The following LRRC19 variants were observed in gnomAD, a reference collection of about 807,000 sequenced individuals.
LRRC19 encodes the protein leucine-rich repeat-containing protein 19.
LRRC19 carries 33 observed loss-of-function variants against 33.3 expected under a neutral mutation model. That is an observed-to-expected ratio of 0.99 (90% CI 0.75 to 1.33). LRRC19 has a LOEUF of 1.33. LRRC19 is among the 40% of genes most tolerant of loss of function. The probability of loss-of-function intolerance (pLI) is 0.00; values close to 1 mark genes in which losing one functional copy is unlikely to be tolerated. For synonymous variants in LRRC19, 184 were observed against 152.3 expected (o/e 1.21, Z -1.53); for missense variants, 463 against 417.3 (o/e 1.11, Z -0.95).
intron 1 of LRRC19, among the ~76,000 whole-genome samples, chr9:27,003,832 G>T (rs1277704515): frequency 6.6e-6 from 1 of 152,212 alleles, no homozygotes. Flanking sequence ...TATTCAAGAT[G>T]ATTGCCCATA....
At position 26,998,165 on chromosome 9, in the gene LRRC19, T is replaced by G. The variant is rs1175375402; in HGVS notation, c.158A>C (p.Asp53Ala). ...AAGAGTAATTTGGTTATAACTGAGA[T>G]CAAGTATAGTAACATCTTTCTTGAT... is the stretch of plus-strand genomic sequence containing the variant. Reference protein sequence around the residue: ...ADIKKDVTILDLSYNQITLNG... With the variant: ...ADIKKDVTILALSYNQITLNG... The change falls in exon 3 of 5, where the codon GAT becomes GCT. Residue 53 changes from aspartate (D) to alanine (A), a missense_variant. By Grantham distance (126) the Asp-to-Ala change is moderately radical. Coordinates refer to ENST00000380055, the MANE Select transcript of LRRC19 (RefSeq NM_022901.3). The G allele has an allele frequency of 6.3e-7, 1 of 1,596,084 alleles. No individual in the cohort carries two copies. The highest frequency in any genetic ancestry group is 8.6e-7 in the Non-Finnish European group (1 of 1,167,588).
rs1828083408 is a variant in LRRC19, at chr9:26,995,303, G to A, written c.*218C>T. ...TGCTAAGAATAGTAGTGCTAGTATTGTAGACTATGTAACTGTCAACTACCG... is the reference window on the plus strand; with the variant it reads ...TGCTAAGAATAGTAGTGCTAGTATTATAGACTATGTAACTGTCAACTACCG... On this transcript the variant is annotated 3_prime_UTR_variant, in exon 5 of 5. Transcript: ENST00000380055. 2.2e-6 allele frequency: 1 copy of A among 448,250 alleles called. No individual in the cohort carries two copies. The allele number at this position is 448,250 out of a possible 1,614,324, so 27.8% of individuals were successfully genotyped here.
At chr9:27,002,780 T>C (rs1176760639) in intron 1 of LRRC19, among the ~76,000 whole-genome samples, 2 of 152,238 alleles carry the variant, frequency 1.3e-5, no homozygotes, top group African/African-American at 4.8e-5. Flanking sequence ...TGGGATCTTT[T>C]ATGGTTCCAT....
chr9:26,996,738 TTTA>T (rs1828179044), intron 3 of LRRC19, among the ~76,000 whole-genome samples: 1 of 151,360 alleles, frequency 6.6e-6, no homozygotes, highest in South Asian at 2.1e-4. Flanking sequence ...TAGTGTAGAT[TTTA>T]TTATTAATAT....
chr9:26,998,265 G>T, intron 2 of LRRC19, 24 bp from the exon 3 acceptor site: 1 of 1,281,294 alleles, frequency 7.8e-7, no homozygotes, highest in Non-Finnish European at 1.0e-6. Flanking sequence ...AAAAAGAAAG[G>T]CATTAATCAG....
intron 1 of LRRC19, among the ~76,000 whole-genome samples, chr9:27,001,585 CTTG>C (rs1370787971): frequency 6.6e-6 from 1 of 151,340 alleles, no homozygotes; most frequent in Non-Finnish European, 1.5e-5. Context: ...TTTCCACATA[CTTG>C]TTTGTCTTTT....
Position 26,995,589 on chromosome 9 carries a change from C to G in LRRC19, c.1045G>C (p.Val349Leu). The change falls in exon 5 of 5, where the codon GTG becomes CTG. Residue 349 changes from valine to leucine, a missense_variant. Val to Leu is a conservative substitution (Grantham distance 32, BLOSUM62 1). Transcript: ENST00000380055. ...TVIFEQLHSF[V>L]VDDDGFIEDK... is the part of the protein sequence containing the mutation. ...TCAATAAATCCATCATCATCTACCA[C>G]AAATGAATGTAATTGTTCAAATATT... 6.2e-7 allele frequency: 1 copy of G among 1,604,062 alleles called. No homozygotes were observed. The highest frequency in any genetic ancestry group is 1.1e-5 in the South Asian group (1 of 90,808).
At chr9:27,004,703 A>AT (rs1167531796) in intron 1 of LRRC19, among the ~76,000 whole-genome samples, 5 of 152,168 alleles carry the variant, frequency 3.3e-5, no homozygotes, top group South Asian at 2.1e-4. Flanking sequence ...TCTAATTTGG[A>AT]TTTTTTTTGA....
chr9:26,997,263 G>A (rs924123280), intron 3 of LRRC19, among the ~76,000 whole-genome samples: 2 of 150,788 alleles, frequency 1.3e-5, no homozygotes, highest in African/African-American at 4.9e-5. Context: ...GGGAAGGAGA[G>A]CATCTATGCA....
rs761988889 is a variant in LRRC19, at chr9:26,996,294, T to A, written c.784+17A>T. ...TGATACATTCAGCAGTGTTAATATA[T>A]AGAACCAGTATATTACCTGAATTTC... is the stretch of plus-strand genomic sequence containing the variant. On this transcript the variant is annotated intron_variant, in intron 4 of 4. Transcript: ENST00000380055. The A allele has an allele frequency of 1.9e-5, 28 of 1,450,902 alleles. No homozygotes were observed. The highest frequency in any genetic ancestry group is 2.5e-5 in the Non-Finnish European group (26 of 1,053,772). 89.9% of individuals were successfully genotyped at this position (1,450,902 alleles called of 1,614,324 possible). A position where few individuals can be genotyped will look rare whatever the true frequency, so the allele number is the denominator to read the frequency against.
chr9:27,004,218 C>G lies in LRRC19; in HGVS notation c.-10+1374G>C, dbSNP rs552089611. Among the ~76,000 whole-genome samples, 134 of 152,226 alleles carry G rather than the reference C, an allele frequency of 8.8e-4. 1 individual carries two copies. Among genetic ancestry groups the G allele is most frequent in the African/African-American group, 2.9e-3 (121 of 41,540 alleles). ...GTTTTATATTTATTATCTGTATCTGCTATTTAATGCTAATAATTGTTTTCT... is the reference window on the plus strand; with the variant it reads ...GTTTTATATTTATTATCTGTATCTGGTATTTAATGCTAATAATTGTTTTCT... On this transcript the variant is annotated intron_variant, in intron 1 of 4. Coordinates refer to ENST00000380055, the MANE Select transcript of LRRC19 (RefSeq NM_022901.3).
intron 3 of LRRC19, among the ~76,000 whole-genome samples, chr9:26,996,939 A>G (rs7019249): frequency 0.027 from 4,123 of 152,296 alleles, 195 homozygotes; most frequent in African/African-American, 0.094. Flanking sequence ...GGCCGGGCGC[A>G]GAGGCTCATG....
Position 26,995,811 on chromosome 9 carries a change from C to T in LRRC19, c.823G>A (p.Gly275Ser), listed in dbSNP as rs537885338. 9.5e-5 allele frequency: 152 copies of T among 1,607,166 alleles called. No homozygotes were observed. The highest frequency in any genetic ancestry group is 1.1e-4 in the Non-Finnish European group (129 of 1,176,488). ...PLGKSWAFLV[G>S]VVVTVLTTSL... ...GTCGTCAGTACAGTGACAACAACAC[C>T]AACAAGAAAAGCCCAACTTTTTCCA... The change falls in exon 5 of 5, where the codon GGT becomes AGT. Residue 275 changes from glycine (G) to serine (S), a missense_variant. Transcript: ENST00000380055.
chr9:27,001,177 A>G (rs951446452), intron 1 of LRRC19, among the ~76,000 whole-genome samples: 1 of 152,076 alleles, frequency 6.6e-6, no homozygotes, highest in Non-Finnish European at 1.5e-5. Context: ...TTGTATATAT[A>G]TGCTACTTTT....
Position 26,995,374 on chromosome 9 carries a change from C to T in LRRC19, c.*147G>A. Reference sequence around the variant, plus strand: ...TTGAACCTGCTTGCTCAATATAATGCAAAGAACATAATTTTATGATATTCA... The same window carrying T: ...TTGAACCTGCTTGCTCAATATAATGTAAAGAACATAATTTTATGATATTCA... On this transcript the variant is annotated 3_prime_UTR_variant, in exon 5 of 5. Transcript: ENST00000380055. 3 of 587,602 alleles carry T rather than the reference C, an allele frequency of 5.1e-6. No individual in the cohort carries two copies. The South Asian group carries it at 6.3e-5, about 12-fold the overall frequency. 36.4% of individuals were successfully genotyped at this position (587,602 alleles called of 1,614,324 possible).
chr9:26,999,832 C>T (rs1191576954), intron 1 of LRRC19, 129 bp from the exon 2 acceptor site: 17 of 550,000 alleles, frequency 3.1e-5, no homozygotes, highest in Non-Finnish European at 5.0e-5. Context: ...GACCTGGTGG[C>T]ATGGTCACAG....
intron 2 of LRRC19, 63 bp downstream of exon 2, chr9:26,999,551 T>C: frequency 2.4e-6 from 3 of 1,238,542 alleles, no homozygotes. Flanking sequence ...TTTTATATTT[T>C]ACTAAATATA....
chr9:26,998,676 T>C (rs920134800), intron 2 of LRRC19, among the ~76,000 whole-genome samples: 7 of 152,106 alleles, frequency 4.6e-5, no homozygotes, highest in African/African-American at 1.2e-4. Flanking sequence ...ACATTATACC[T>C]AGGGCTGTTC....
chr9:26,998,851 G>A (rs12555239), intron 2 of LRRC19, among the ~76,000 whole-genome samples: 31,696 of 151,530 alleles, frequency 0.21, 4,020 homozygotes, highest in Admixed American at 0.27. Context: ...AAAGTCAGCC[G>A]GGCATGGTGG....
Sources: gnomAD v4.1 joint callset for allele counts (sites outside exome capture counted in the v4.1 genomes callset) on GRCh38, gnomAD v4.1.1 for gene constraint, MANE v1.5 for transcripts, NCBI Gene and HGNC (gene_info 2026-07-23, HGNC 2026-07-21) for gene names.